Variants in ELP3 observed in about 807,000 individuals in gnomAD.
ELP3 encodes elongator acetyltransferase complex subunit 3.
Under a neutral mutation model 74.9 loss-of-function variants are expected in ELP3, and 56 were observed. The ratio of observed to expected loss-of-function variants is 0.75; its 90% CI spans 0.60 to 0.93. The LOEUF is 0.93. Among genes scored for constraint, ELP3 ranks in the 40% least tolerant of loss-of-function variants. The probability of loss-of-function intolerance (pLI) is 0.00; values close to 1 mark genes in which losing one functional copy is unlikely to be tolerated. For missense variants in ELP3, 573 were observed against 686.5 expected (o/e 0.83, Z 1.85); for synonymous variants, 222 against 239.8 (o/e 0.93, Z 0.68).
In ELP3 at chr8:28,093,200, T is replaced by C. The variant is rs767018952; in HGVS notation, c.-15T>C. ...GCATTTTTATCTCTGGTGGCTCTGC[T>C]ACGGCGGCGCAGAAATGAGGCAGAA... On this transcript the variant is annotated 5_prime_UTR_variant, in exon 1 of 15. Coordinates refer to ENST00000256398, the MANE Select transcript of ELP3 (RefSeq NM_018091.6). 8 of 1,612,852 alleles carry C rather than the reference T, an allele frequency of 5.0e-6. No individual in the cohort carries two copies. In the South Asian group the frequency reaches 8.8e-5, roughly 18 times the overall value.
chr8:28,181,846 A>G (rs1350945979), intron 14 of ELP3, among the ~76,000 whole-genome samples: 1 of 152,334 alleles, frequency 6.6e-6, no homozygotes, highest in South Asian at 2.1e-4. Context: ...AATAATTGCA[A>G]TCTTGTTACA....
intron 14 of ELP3, among the ~76,000 whole-genome samples, chr8:28,167,084 G>A (rs1277592430): frequency 1.3e-5 from 2 of 152,226 alleles, no homozygotes; most frequent in Admixed American, 6.5e-5. Context: ...TGAAGTCAGA[G>A]ACTGATAGCC....
Position 28,099,897 on chromosome 8 carries a change from C to T in ELP3, c.189C>T (p.Ala63=), listed in dbSNP as rs549234631. 3.2e-5 allele frequency: 52 copies of T among 1,614,148 alleles called. No homozygotes were observed. The East Asian group carries it at 6.2e-4, about 19-fold the overall frequency. ...AQPRLVDIIA[A]VPPQYRKVLM... is the part of the protein sequence containing the mutation. ...CCCGCCTGGTGGATATCATTGCTGCCGTCCCTCCTCAGTATCGCAAGGTCT... is the reference window on the plus strand; with the variant it reads ...CCCGCCTGGTGGATATCATTGCTGCTGTCCCTCCTCAGTATCGCAAGGTCT... The change falls in exon 3 of 15, where the codon GCC becomes GCT. Residue 63 remains alanine (A), a synonymous_variant. Coordinates refer to ENST00000256398, the MANE Select transcript of ELP3 (RefSeq NM_018091.6).
At chr8:28,143,651 T>C (rs1813327304) in intron 10 of ELP3, among the ~76,000 whole-genome samples, 1 of 152,194 alleles carries the variant, frequency 6.6e-6, no homozygotes, top group South Asian at 2.1e-4. Flanking sequence ...TTGTTAGAAA[T>C]TTAGGTCGCT....
intron 14 of ELP3, among the ~76,000 whole-genome samples, chr8:28,163,937 A>G (rs1352972745): frequency 6.6e-6 from 1 of 152,166 alleles, no homozygotes; most frequent in Non-Finnish European, 1.5e-5. Context: ...CACTTTGTAC[A>G]CAAGGAAGGC....
chr8:28,104,428 C>T (rs1484403443), intron 3 of ELP3, among the ~76,000 whole-genome samples: 1 of 152,224 alleles, frequency 6.6e-6, no homozygotes, highest in Non-Finnish European at 1.5e-5. Context: ...GGATACATTA[C>T]TGTCATCTAA....
chr8:28,163,524 C>CTT (rs3081780), intron 14 of ELP3, among the ~76,000 whole-genome samples: 4 of 137,916 alleles, frequency 2.9e-5, no homozygotes, highest in African/African-American at 1.1e-4. Context: ...ATTCCTAAAG[C>CTT]TTTTTTTTTT....
intron 14 of ELP3, among the ~76,000 whole-genome samples, chr8:28,168,076 A>G (rs562337744): frequency 6.6e-6 from 1 of 152,336 alleles, no homozygotes; most frequent in South Asian, 2.1e-4. Context: ...TCTGTATTCC[A>G]TGACTTGACA....
chr8:28,149,739 C>T (rs572790349), intron 10 of ELP3, among the ~76,000 whole-genome samples: 15 of 152,220 alleles, frequency 9.9e-5, no homozygotes, highest in African/African-American at 3.6e-4. Context: ...CTCATAGTTT[C>T]CTAAGATGGA....
intron 10 of ELP3, among the ~76,000 whole-genome samples, chr8:28,153,877 C>T (rs1813730332): frequency 6.6e-6 from 1 of 152,156 alleles, no homozygotes; most frequent in Non-Finnish European, 1.5e-5. Flanking sequence ...CAGTTTCCTA[C>T]ATACAGTCAT....
chr8:28,141,228 C>G (rs933601890), intron 10 of ELP3, among the ~76,000 whole-genome samples: 2 of 152,160 alleles, frequency 1.3e-5, no homozygotes, highest in Non-Finnish European at 2.9e-5. Flanking sequence ...AGTAATAGGA[C>G]AAATCACAAT....
intron 10 of ELP3, among the ~76,000 whole-genome samples, chr8:28,144,884 C>CA (rs556212411): frequency 4.6e-5 from 7 of 151,578 alleles, no homozygotes; most frequent in South Asian, 2.1e-4. Flanking sequence ...ACTAAAAATA[C>CA]AAAAAAAATT....
rs372292931 is a variant in ELP3 at position 28,161,651 on chromosome 8, T to TA, written c.1486-343dup. On this transcript the variant is annotated intron_variant, in intron 13 of 14. Coordinates refer to ENST00000256398, the MANE Select transcript of ELP3 (RefSeq NM_018091.6). ...AAAAGTAGAGAGGTGACTAAGAAATTAAAGACATACTGCCCCAGACTTCCA... is the reference window on the plus strand; with the variant it reads ...AAAAGTAGAGAGGTGACTAAGAAATTAAAAGACATACTGCCCCAGACTTCCA... Among the ~76,000 whole-genome samples the TA allele has an allele frequency of 4.3e-4, 64 of 150,246 alleles. 2 individuals are homozygous for TA. In the East Asian group the frequency reaches 0.01, roughly 24 times the overall value.
chr8:28,129,877 T>G (rs2130457458), intron 8 of ELP3, among the ~76,000 whole-genome samples: 1 of 152,332 alleles, frequency 6.6e-6, no homozygotes, highest in East Asian at 1.9e-4. Flanking sequence ...TCCAGCAGCC[T>G]GTAAACACAC....
intron 14 of ELP3, 23 bp downstream of exon 14, chr8:28,162,101 C>G: frequency 2.5e-6 from 4 of 1,611,792 alleles, no homozygotes; most frequent in Non-Finnish European, 2.5e-6. Context: ...GGGCGAAGTT[C>G]ATGATTCCTT....
chr8:28,090,488 T>C (rs866782692), upstream of ELP3: 1 of 176,358 alleles, frequency 5.7e-6, no homozygotes. Flanking sequence ...GGTGGGTGTG[T>C]GTGTGTGTGT....
rs1457642147 is a variant in ELP3 at position 28,147,681 on chromosome 8, T to C, written c.1101-8261T>C. On this transcript the variant is annotated intron_variant, in intron 10 of 14. Transcript: ENST00000256398. This position sits in a 1 kb window ranked among gnomAD's most constrained non-coding sequence, Gnocchi z 4.5. ...TGCATGCATATATTTCTTAGTAGTA[T>C]GTACTGAGAGGTTCTAGAGGCAATG... Among the ~76,000 whole-genome samples, 1 of 152,160 alleles carries C rather than the reference T, an allele frequency of 6.6e-6. No homozygotes were observed. Among genetic ancestry groups the C allele is most frequent in the Non-Finnish European group, 1.5e-5 (1 of 68,036 alleles).
intron 11 of ELP3, among the ~76,000 whole-genome samples, chr8:28,156,306 A>T (rs1813826461): frequency 6.6e-6 from 1 of 152,090 alleles, no homozygotes; most frequent in Non-Finnish European, 1.5e-5. Flanking sequence ...TTTTCTTTTG[A>T]AGTATTAGGT....
chr8:28,137,139 G>A (rs552402670), intron 9 of ELP3, among the ~76,000 whole-genome samples: 11 of 152,270 alleles, frequency 7.2e-5, no homozygotes, highest in South Asian at 2.1e-4. Context: ...TAAGCTAGAT[G>A]ATCTCTGTCA....
Sources: allele counts gnomAD v4.1 joint callset (sites outside exome capture counted in the v4.1 genomes callset), GRCh38; gene constraint gnomAD v4.1.1; non-coding constraint Gnocchi (gnomAD v3.1); transcripts MANE v1.5; gene names NCBI Gene and HGNC (gene_info 2026-07-23, HGNC 2026-07-21).